CHN2: variants seen among roughly 807,000 people sequenced by gnomAD.
CHN2 encodes the protein chimerin 2.
CHN2 carries 35 observed loss-of-function variants against 56.3 expected under a neutral mutation model. The ratio of observed to expected loss-of-function variants is 0.62; its 90% CI spans 0.47 to 0.82. The LOEUF is 0.82. Among genes scored for constraint, CHN2 ranks in the 40% least tolerant of loss-of-function variants. The pLI is 0.00. For missense variants in CHN2, 491 were observed against 580.5 expected (o/e 0.85, Z 1.58); for synonymous variants, 210 against 212.8 (o/e 0.99, Z 0.12).
chr7:29,206,289 T>A (rs188536274), intron 1 of CHN2, among the ~76,000 whole-genome samples: 82 of 152,028 alleles, frequency 5.4e-4, no homozygotes, highest in South Asian at 4.0e-3. Flanking sequence ...TAGAAAAAAA[T>A]TTTTTTCCCC....
chr7:29,207,437 C>T (rs142382002), intron 1 of CHN2, among the ~76,000 whole-genome samples: 207 of 152,278 alleles, frequency 1.4e-3, no homozygotes, highest in African/African-American at 3.9e-3. Context: ...ATAAATGCCT[C>T]CCTTCCCCAG....
At chr7:29,269,787 C>G (rs1457977464) in intron 1 of CHN2, among the ~76,000 whole-genome samples, 2 of 152,140 alleles carry the variant, frequency 1.3e-5, no homozygotes. Context: ...GAAAACAGTC[C>G]CCTTCCAGGG....
chr7:29,347,913 G>A (rs1426795910), intron 1 of CHN2, among the ~76,000 whole-genome samples: 1 of 152,174 alleles, frequency 6.6e-6, no homozygotes, highest in South Asian at 2.1e-4. Flanking sequence ...AGTATGTATG[G>A]TATGAAACCA....
intron 7 of CHN2, among the ~76,000 whole-genome samples, chr7:29,480,968 T>G (rs1157053411): frequency 6.6e-6 from 1 of 152,198 alleles, no homozygotes; most frequent in Non-Finnish European, 1.5e-5. Flanking sequence ...GGTGAGGGGT[T>G]AAGTGGAATT....
intron 1 of CHN2, among the ~76,000 whole-genome samples, chr7:29,195,625 A>AGTGT (rs1197819580): frequency 2.6e-5 from 3 of 116,120 alleles, no homozygotes; most frequent in Admixed American, 9.4e-5. Context: ...AGAGAGAGAG[A>AGTGT]GAGAGTGTGT....
chr7:29,246,602 AG>A (rs1333290840), intron 1 of CHN2, among the ~76,000 whole-genome samples: 1 of 152,180 alleles, frequency 6.6e-6, no homozygotes, highest in Non-Finnish European at 1.5e-5. Flanking sequence ...CATGGCTGAA[AG>A]GTAGCTCACA....
intron 6 of CHN2, among the ~76,000 whole-genome samples, chr7:29,443,700 G>A (rs1458138001): frequency 2.0e-5 from 3 of 151,998 alleles, no homozygotes; most frequent in Admixed American, 6.6e-5. Flanking sequence ...GGCCAAAGGA[G>A]CAGCCCTTAT....
intron 2 of CHN2, among the ~76,000 whole-genome samples, chr7:29,164,157 C>G (rs1174953028): frequency 6.6e-6 from 1 of 152,192 alleles, no homozygotes; most frequent in African/African-American, 2.4e-5. Context: ...CATATCCTTC[C>G]CAACACTTAT....
chr7:29,403,637 CG>C (rs1802406424), intron 6 of CHN2, among the ~76,000 whole-genome samples: 3 of 151,020 alleles, frequency 2.0e-5, no homozygotes, highest in African/African-American at 7.3e-5. Flanking sequence ...TTTTAATAAC[CG>C]TAGATGAGAT....
At chr7:29,226,071 A>C (rs1786166456) in intron 1 of CHN2, among the ~76,000 whole-genome samples, 1 of 152,216 alleles carries the variant, frequency 6.6e-6, no homozygotes, top group Non-Finnish European at 1.5e-5. Context: ...AGACGTATTA[A>C]ATAACCTTTC....
chr7:29,194,847 T>TG lies in CHN2; in HGVS notation c.-90dup. The TG allele has an allele frequency of 8.4e-7, 1 of 1,194,798 alleles. No homozygotes were observed. The highest frequency in any genetic ancestry group is 1.1e-6 in the Non-Finnish European group (1 of 922,794). 74.0% of individuals were successfully genotyped at this position (1,194,798 alleles called of 1,614,324 possible). On this transcript the variant is annotated 5_prime_UTR_variant, in exon 1 of 13. It removes the in-frame stop codon of an upstream open reading frame in the 5' UTR. Coordinates refer to ENST00000222792, the MANE Select transcript of CHN2 (RefSeq NM_004067.4). ...GCGTCCCCAGGACTTTGCCATGGGCTGGGGGCCGCGGAGGCTGCGAGCGGC... is the reference window on the plus strand; with the variant it reads ...GCGTCCCCAGGACTTTGCCATGGGCTGGGGGGCCGCGGAGGCTGCGAGCGGC...
intron 2 of CHN2, among the ~76,000 whole-genome samples, chr7:29,183,176 C>A (rs1019522944): frequency 6.6e-6 from 1 of 151,446 alleles, no homozygotes; most frequent in Non-Finnish European, 1.5e-5. Flanking sequence ...CCTCCGCCTC[C>A]CAGGTTCAAG....
chr7:29,493,782 T>C (rs1788921213), intron 7 of CHN2, among the ~76,000 whole-genome samples: 1 of 152,192 alleles, frequency 6.6e-6, no homozygotes, highest in Non-Finnish European at 1.5e-5. Context: ...GGCTCTGTCA[T>C]TGTTCAACTA....
At chr7:29,357,360 A>G (rs757145711) in intron 2 of CHN2, among the ~76,000 whole-genome samples, 16 of 152,198 alleles carry the variant, frequency 1.1e-4, no homozygotes, top group Non-Finnish European at 1.8e-4. Flanking sequence ...CCAAAGCCCT[A>G]CAGACCACCA....
At chr7:29,434,020 C>G (rs1219724213) in intron 6 of CHN2, among the ~76,000 whole-genome samples, 4 of 152,134 alleles carry the variant, frequency 2.6e-5, no homozygotes, top group Non-Finnish European at 4.4e-5. Context: ...TGTGCACCAA[C>G]CTCTGAGGAT....
intron 1 of CHN2, among the ~76,000 whole-genome samples, chr7:29,204,161 T>C (rs1784365497): frequency 6.6e-6 from 1 of 151,628 alleles, no homozygotes. Flanking sequence ...TGTCCTGCCA[T>C]GGATAAGTAT....
At chr7:29,153,765 T>G (rs1363670397) in intron 2 of CHN2, among the ~76,000 whole-genome samples, 2 of 152,098 alleles carry the variant, frequency 1.3e-5, no homozygotes, top group African/African-American at 4.8e-5. Context: ...AGACAGGGTT[T>G]CACCATGTTG....
At chr7:29,175,704 G>A (rs1797225886) in intron 2 of CHN2, among the ~76,000 whole-genome samples, 1 of 152,012 alleles carries the variant, frequency 6.6e-6, no homozygotes, top group Non-Finnish European at 1.5e-5. Context: ...GATAGCCAAC[G>A]GGAAGGAGAG....
At chr7:29,408,323 A>C (rs1404074681) in intron 6 of CHN2, among the ~76,000 whole-genome samples, 1 of 152,192 alleles carries the variant, frequency 6.6e-6, no homozygotes, top group Non-Finnish European at 1.5e-5. Flanking sequence ...GGTGATTGTC[A>C]AGTGCAGGGC....
Sources: gnomAD v4.1 joint callset for allele counts (sites outside exome capture counted in the v4.1 genomes callset) on GRCh38, gnomAD v4.1.1 for gene constraint, MANE v1.5 for transcripts, NCBI Gene and HGNC (gene_info 2026-07-23, HGNC 2026-07-21) for gene names.